Variants in PTPRZ1 observed in about 807,000 individuals in gnomAD.
PTPRZ1 encodes the protein protein tyrosine phosphatase receptor type Z1.
PTPRZ1 carries 82 observed loss-of-function variants against 214.1 expected under a neutral mutation model. That is an observed-to-expected ratio of 0.38 (90% CI 0.32 to 0.46). The LOEUF (loss-of-function observed/expected upper bound fraction) is 0.46. Among genes scored for constraint, PTPRZ1 ranks in the 20% least tolerant of loss-of-function variants. The pLI, the probability that PTPRZ1 is intolerant of heterozygous loss-of-function variation, is 1.00. For synonymous variants in PTPRZ1, 945 were observed against 987.9 expected (o/e 0.96, Z 0.81); for missense variants, 2,603 against 2,748.7 (o/e 0.95, Z 1.19).
chr7:121,873,345 C>CAG lies in PTPRZ1; in HGVS notation c.-154_-153insGA, dbSNP rs1240823944. On this transcript the variant is annotated 5_prime_UTR_variant, in exon 1 of 30. Coordinates refer to ENST00000393386, the MANE Select transcript of PTPRZ1 (RefSeq NM_002851.3). ...TCTCTCTCTCACACACACACACACACACACAAACACACATACGCACGCACG... is the reference window on the plus strand; with the variant it reads ...TCTCTCTCTCACACACACACACACACAGACACAAACACACATACGCACGCACG... The CAG allele has an allele frequency of 1.5e-6, 1 of 665,654 alleles. No individual in the cohort carries two copies. Among genetic ancestry groups the CAG allele is most frequent in the African/African-American group, 1.8e-5 (1 of 55,554 alleles). The allele number at this position is 665,654 out of a possible 1,614,324, so 41.2% of individuals were successfully genotyped here. A position where few individuals can be genotyped will look rare whatever the true frequency, so the allele number is the denominator to read the frequency against.
chr7:122,011,662 C>T lies in PTPRZ1; in HGVS notation c.2616C>T (p.Ser872=), dbSNP rs1798668839. ...VAGGDLLLEP[S]LAQYSDVLST... Reference sequence around the variant, plus strand: ...GGGGTGATTTGCTATTAGAGCCCAGCCTTGCTCAGTATTCTGATGTGCTGT... The same window carrying T: ...GGGGTGATTTGCTATTAGAGCCCAGTCTTGCTCAGTATTCTGATGTGCTGT... The change falls in exon 12 of 30, where the codon AGC becomes AGT. Residue 872 remains serine (S), a synonymous_variant. Coordinates refer to ENST00000393386, the MANE Select transcript of PTPRZ1 (RefSeq NM_002851.3). 1 of 1,614,030 alleles carries T rather than the reference C, an allele frequency of 6.2e-7. No individual in the cohort carries two copies. The highest frequency in any genetic ancestry group is 1.1e-5 in the South Asian group (1 of 91,064).
At chr7:121,982,400 T>C (rs1797638816) in intron 6 of PTPRZ1, among the ~76,000 whole-genome samples, 1 of 152,176 alleles carries the variant, frequency 6.6e-6, no homozygotes, top group Admixed American at 6.5e-5. Context: ...TTAGAATCAA[T>C]ATGTCAATTA....
At chr7:122,030,801 G>A (rs544049906) in intron 14 of PTPRZ1, among the ~76,000 whole-genome samples, 12 of 151,810 alleles carry the variant, frequency 7.9e-5, no homozygotes, top group Non-Finnish European at 1.5e-4. Flanking sequence ...AAAAAAATCA[G>A]AACCAGTTAA....
At chr7:121,968,193 A>G in intron 3 of PTPRZ1, 63 bp downstream of exon 3, 1 of 1,394,874 alleles carries the variant, frequency 7.2e-7, no homozygotes, top group Non-Finnish European at 9.7e-7. Flanking sequence ...TGTTTAGACT[A>G]GTTTCATCTC....
chr7:121,900,567 T>C (rs1419574797), intron 1 of PTPRZ1, among the ~76,000 whole-genome samples: 8 of 152,222 alleles, frequency 5.3e-5, no homozygotes, highest in African/African-American at 1.9e-4. Flanking sequence ...TGAGAGTCTC[T>C]GTATCTGTTT....
chr7:121,952,210 G>C (rs564080742), intron 2 of PTPRZ1, among the ~76,000 whole-genome samples: 1 of 152,056 alleles, frequency 6.6e-6, no homozygotes. Context: ...GGCCGGCCTC[G>C]GCCTCCCAAA....
chr7:122,012,086 A>G lies in PTPRZ1; in HGVS notation c.3040A>G (p.Thr1014Ala). The G allele has an allele frequency of 6.2e-7, 1 of 1,614,050 alleles. No individual in the cohort carries two copies. The highest frequency in any genetic ancestry group is 8.5e-7 in the Non-Finnish European group (1 of 1,179,858). The part of the protein sequence containing the change: ...EFLLPDTDGL[T>A]ALNISSPVSV... ...TCTTTTACCTGACACAGATGGGCTG[A>G]CAGCCCTTAACATTTCTTCACCTGT... The change falls in exon 12 of 30, where the codon ACA becomes GCA. Residue 1014 changes from threonine to alanine, a missense_variant. By Grantham distance (58) the Thr-to-Ala change is moderately conservative (BLOSUM62 0). Around this residue, in one of 6 missense-constraint regions of PTPRZ1, gnomAD observed 1,913 missense variants for 1,914.3 expected, o/e 1.00. Coordinates refer to ENST00000393386, the MANE Select transcript of PTPRZ1 (RefSeq NM_002851.3).
intron 13 of PTPRZ1, among the ~76,000 whole-genome samples, chr7:122,025,779 TTGTC>T (rs1799192805): frequency 1.3e-5 from 2 of 152,182 alleles, no homozygotes; most frequent in African/African-American, 4.8e-5. Flanking sequence ...AAGGCAGTGT[TTGTC>T]TGGCATATTG....
At chr7:121,900,269 A>G (rs1794918579) in intron 1 of PTPRZ1, among the ~76,000 whole-genome samples, 1 of 152,164 alleles carries the variant, frequency 6.6e-6, no homozygotes, top group Non-Finnish European at 1.5e-5. Flanking sequence ...GCAACTCAAG[A>G]AAACTGCTCA....
intron 1 of PTPRZ1, among the ~76,000 whole-genome samples, chr7:121,883,052 G>A (rs1045362215): frequency 6.6e-6 from 1 of 152,102 alleles, no homozygotes; most frequent in African/African-American, 2.4e-5. Flanking sequence ...GTCCACAGAA[G>A]TTGATAACTT....
intron 1 of PTPRZ1, among the ~76,000 whole-genome samples, chr7:121,903,814 T>C (rs1262133934): frequency 1.3e-5 from 2 of 152,180 alleles, no homozygotes; most frequent in African/African-American, 4.8e-5. Context: ...CATTTTTTGG[T>C]TGAGAAATGA....
At chr7:121,923,098 C>T (rs1795649457) in intron 1 of PTPRZ1, among the ~76,000 whole-genome samples, 1 of 152,074 alleles carries the variant, frequency 6.6e-6, no homozygotes, top group African/African-American at 2.4e-5. Context: ...ATGAGCGCTC[C>T]CTGGACTGTC....
At chr7:122,038,702 A>G in intron 18 of PTPRZ1, 53 bp from the exon 19 acceptor site, 1 of 1,570,330 alleles carries the variant, frequency 6.4e-7, no homozygotes. Flanking sequence ...TTGTACAGTT[A>G]AAGATGACAT....
chr7:121,874,079 A>T (rs543546756), intron 1 of PTPRZ1, among the ~76,000 whole-genome samples: 1 of 146,716 alleles, frequency 6.8e-6, no homozygotes, highest in Non-Finnish European at 1.5e-5. Context: ...AAAGGTAGTA[A>T]CAGGCACAAG....
chr7:121,922,804 A>G lies in PTPRZ1; in HGVS notation c.59-5352A>G, dbSNP rs199782852. 3.3e-4 allele frequency among the ~76,000 whole-genome samples: 51 copies of G among 152,322 alleles called. 1 individual carries two copies. The East Asian group carries it at 9.5e-3, about 28-fold the overall frequency. On this transcript the variant is annotated intron_variant, in intron 1 of 29. Coordinates refer to ENST00000393386, the MANE Select transcript of PTPRZ1 (RefSeq NM_002851.3). ...CCAGAGGGTTCTAAGTCCTTCTTCA[A>G]GCCTTCACAAACTACCTATATTTCT...
At position 121,929,873 on chromosome 7, in the gene PTPRZ1, A is replaced by C. The variant is rs893202896; in HGVS notation, c.124+1652A>C. ...AAATAAATAAATAGATTTGTGATGC[A>C]CACTGCCTAAATGCTTCCTAGATGG... is the stretch of plus-strand genomic sequence containing the variant. On this transcript the variant is annotated intron_variant, in intron 2 of 29. Transcript: ENST00000393386. Among the ~76,000 whole-genome samples the C allele has an allele frequency of 5.3e-5, 8 of 151,780 alleles. 1 individual carries two copies. The highest frequency in any genetic ancestry group is 1.9e-4 in the African/African-American group (8 of 41,324).
intron 2 of PTPRZ1, among the ~76,000 whole-genome samples, chr7:121,941,263 G>A (rs1796232961): frequency 6.6e-6 from 1 of 152,202 alleles, no homozygotes; most frequent in Non-Finnish European, 1.5e-5. Flanking sequence ...GTAAGCAGAA[G>A]ACTGGAAACT....
Position 122,011,309 on chromosome 7 carries a change from G to A in PTPRZ1, c.2263G>A (p.Gly755Ser), listed in dbSNP as rs144818368. 49 of 1,614,122 alleles carry A rather than the reference G, an allele frequency of 3.0e-5. No individual in the cohort carries two copies. The Admixed American group carries it at 3.3e-4, about 11-fold the overall frequency. Residue 755 changes from glycine to serine, a missense_variant, in exon 12 of 30, where the codon GGT becomes AGT. By Grantham distance (56) the Gly-to-Ser change is moderately conservative. This residue lies in a region of PTPRZ1 where 1,913 missense variants were observed against 1,914.3 expected (regional missense o/e 1.00). Coordinates refer to ENST00000393386, the MANE Select transcript of PTPRZ1 (RefSeq NM_002851.3). ...GCAGACAACCCAACCGGTATACAAT[G>A]GTGAGACACCTCTTCAACCTTCCTA... ...YSQTTQPVYN[G>S]ETPLQPSYSS...
chr7:121,973,268 A>T (rs1370555756), intron 4 of PTPRZ1, among the ~76,000 whole-genome samples: 1 of 152,164 alleles, frequency 6.6e-6, no homozygotes, highest in Non-Finnish European at 1.5e-5. Flanking sequence ...GATTATTTAA[A>T]TACATTATGA....
Sources: allele counts gnomAD v4.1 joint callset (sites outside exome capture counted in the v4.1 genomes callset), GRCh38; gene constraint gnomAD v4.1.1; regional missense constraint gnomAD v4.1.1; transcripts MANE v1.5; gene names NCBI Gene and HGNC (gene_info 2026-07-23, HGNC 2026-07-21).